Variants in GNG2 observed in about 807,000 individuals in gnomAD.
GNG2 encodes the protein G protein subunit gamma 2, also known as guanine nucleotide-binding protein G(I)/G(S)/G(O) subunit gamma-2.
GNG2 carries 5 observed loss-of-function variants against 5.5 expected under a neutral mutation model. The ratio of observed to expected loss-of-function variants is 0.91; its 90% CI spans 0.48 to 1.92. The LOEUF is 1.92. Ranked by LOEUF, GNG2 falls within the 30% of genes most tolerant of loss-of-function variation. The pLI, the probability that GNG2 is intolerant of heterozygous loss-of-function variation, is 0.01. For missense variants in GNG2, 55 were observed against 88.4 expected, an observed-to-expected ratio of 0.62 and a Z score of 1.52; for synonymous variants, 28 against 32.0, an observed-to-expected ratio of 0.88 and a Z score of 0.42.
chr14:51,917,552 C>A, intron 2 of GNG2: 1 of 391,796 alleles, frequency 2.6e-6, no homozygotes, highest in South Asian at 1.9e-5. Flanking sequence ...ATCTTGCACA[C>A]ACTGAATTAC....
intron 2 of GNG2, among the ~76,000 whole-genome samples, chr14:51,938,827 CCA>C (rs1289506739): frequency 6.6e-6 from 1 of 152,196 alleles, no homozygotes; most frequent in Non-Finnish European, 1.5e-5. Flanking sequence ...CAAGGAAGCT[CCA>C]CCAGGGTAGT....
At chr14:51,872,729 C>T (rs1883393558) in intron 1 of GNG2, among the ~76,000 whole-genome samples, 1 of 152,174 alleles carries the variant, frequency 6.6e-6, no homozygotes. Flanking sequence ...GTGCTTAGTA[C>T]ATAGAAGGTC....
intron 2 of GNG2, among the ~76,000 whole-genome samples, chr14:51,940,977 T>C (rs1888288546): frequency 6.6e-6 from 1 of 152,020 alleles, no homozygotes; most frequent in African/African-American, 2.4e-5. Context: ...ATATTAACAG[T>C]ATTTTAGTAT....
At chr14:51,868,303 T>G (rs1306505122) in intron 1 of GNG2, among the ~76,000 whole-genome samples, 1 of 152,124 alleles carries the variant, frequency 6.6e-6, no homozygotes, top group Non-Finnish European at 1.5e-5. Flanking sequence ...TAACTGCACA[T>G]TAGAAATCAC....
At chr14:51,880,975 A>AG (rs1490746729) in intron 2 of GNG2, among the ~76,000 whole-genome samples, 1 of 150,160 alleles carries the variant, frequency 6.7e-6, no homozygotes, top group African/African-American at 2.5e-5. Context: ...AAGAAAAAAA[A>AG]AAAAAAAAAA....
At chr14:51,956,555 T>C (rs192355017) in intron 3 of GNG2, among the ~76,000 whole-genome samples, 42 of 152,212 alleles carry the variant, frequency 2.8e-4, no homozygotes, top group African/African-American at 9.6e-4. Context: ...AGGAAACAGT[T>C]GGATTGTTTT....
At chr14:51,919,409 C>T (rs183398296) in intron 2 of GNG2, among the ~76,000 whole-genome samples, 3 of 152,314 alleles carry the variant, frequency 2.0e-5, no homozygotes, top group Admixed American at 1.3e-4. Context: ...TAGCTCTTTA[C>T]ATATAAATTT....
rs555903796 is a variant in GNG2 at position 51,903,857 on chromosome 14, T to C, written c.-30+26200T>C. On this transcript the variant is annotated intron_variant, in intron 2 of 3. Transcript: ENST00000556766. Reference sequence around the variant, plus strand: ...AGTGACAGGGTAGCTGTGACCCAAATCCTAATCAAATAACCTTTGCTGCAA... The same window carrying C: ...AGTGACAGGGTAGCTGTGACCCAAACCCTAATCAAATAACCTTTGCTGCAA... Among the ~76,000 whole-genome samples the C allele has an allele frequency of 3.3e-5, 5 of 152,278 alleles. No homozygotes were observed. The South Asian group carries it at 1.0e-3, about 32-fold the overall frequency.
intron 2 of GNG2, among the ~76,000 whole-genome samples, chr14:51,853,596 T>A (rs562069810): frequency 6.6e-6 from 1 of 152,254 alleles, no homozygotes; most frequent in Admixed American, 6.5e-5. Context: ...ACAAAATAGA[T>A]CACACTGTCT....
chr14:51,864,189 T>G (rs1263370602), intron 1 of GNG2, among the ~76,000 whole-genome samples: 1 of 152,232 alleles, frequency 6.6e-6, no homozygotes, highest in Non-Finnish European at 1.5e-5. Context: ...TTTATTTATG[T>G]TTTTGATAAT....
intron 2 of GNG2, among the ~76,000 whole-genome samples, chr14:51,893,043 T>C (rs17124725): frequency 0.026 from 3,906 of 152,146 alleles, 153 homozygotes; most frequent in African/African-American, 0.083. Flanking sequence ...GCCTGTGGAG[T>C]GATATTAGTT....
intron 2 of GNG2, chr14:51,877,983 C>CTCAA (rs1883788203): frequency 4.9e-6 from 1 of 206,180 alleles, no homozygotes; most frequent in South Asian, 7.0e-5. Flanking sequence ...AGGGCATACC[C>CTCAA]TGTGCAAGAT....
intron 2 of GNG2, chr14:51,917,598 A>G: frequency 3.2e-6 from 1 of 315,456 alleles, no homozygotes; most frequent in Non-Finnish European, 6.3e-6. Flanking sequence ...ATCAAGGGAG[A>G]TGTGTTGTTC....
At chr14:51,917,962 G>T (rs1358807535) in intron 2 of GNG2, among the ~76,000 whole-genome samples, 1 of 150,536 alleles carries the variant, frequency 6.6e-6, no homozygotes, top group African/African-American at 2.4e-5. Flanking sequence ...GAAAGTGGAG[G>T]TTGCACTGCG....
intron 3 of GNG2, chr14:51,951,951 G>T: frequency 1.4e-6 from 1 of 697,528 alleles, no homozygotes; most frequent in Non-Finnish European, 2.6e-6. Context: ...CCAACACCCA[G>T]AGAGCTCTAT....
At chr14:51,856,033 C>A (rs115569627), upstream of GNG2, among the ~76,000 whole-genome samples, 1 of 152,020 alleles carries the variant, frequency 6.6e-6, no homozygotes, top group African/African-American at 2.4e-5. Flanking sequence ...ATTAGCTGGG[C>A]ATGGTGGGTT....
intron 2 of GNG2, among the ~76,000 whole-genome samples, chr14:51,851,552 C>T (rs1460778910): frequency 1.3e-5 from 2 of 152,186 alleles, no homozygotes. Flanking sequence ...CAAGACCCTG[C>T]CTGATCAAGA....
intron 2 of GNG2, among the ~76,000 whole-genome samples, chr14:51,884,411 T>C (rs1207377003): frequency 1.3e-5 from 2 of 152,250 alleles, no homozygotes; most frequent in Non-Finnish European, 2.9e-5. Flanking sequence ...TATCTCCCTT[T>C]ATCCTTTAGA....
chr14:51,938,618 CAT>C (rs1429274277), intron 2 of GNG2, among the ~76,000 whole-genome samples: 2 of 152,208 alleles, frequency 1.3e-5, no homozygotes, highest in Non-Finnish European at 2.9e-5. Flanking sequence ...TCTCCTGGCA[CAT>C]GTTTTCTCAC....
Sources: allele counts gnomAD v4.1 joint callset (sites outside exome capture counted in the v4.1 genomes callset), GRCh38; gene constraint gnomAD v4.1.1; transcripts MANE v1.5; gene names NCBI Gene and HGNC (gene_info 2026-07-23, HGNC 2026-07-21).